Variants in GFOD2 observed in about 807,000 individuals in gnomAD.
GFOD2 encodes the protein glucose-fructose oxidoreductase domain-containing protein 2.
In GFOD2, 9 loss-of-function variants were observed where a neutral mutation model predicts 24.6. The ratio of observed to expected loss-of-function variants is 0.37; its 90% CI spans 0.22 to 0.64. The LOEUF (loss-of-function observed/expected upper bound fraction) is 0.64. GFOD2 is among the 30% of genes least tolerant of loss of function. The pLI is 0.65. For synonymous variants in GFOD2, 211 were observed against 224.8 expected (o/e 0.94, Z 0.55); for missense variants, 476 against 532.5 (o/e 0.89, Z 1.04).
At chr16:67,709,501 C>G (rs978134987) in intron 1 of GFOD2, among the ~76,000 whole-genome samples, 2 of 151,928 alleles carry the variant, frequency 1.3e-5, no homozygotes, top group African/African-American at 2.4e-5. Flanking sequence ...AAAGAGTGTA[C>G]AGTCTAGGAG....
intron 2 of GFOD2, chr16:67,676,858 G>A (rs1415921537): frequency 6.6e-6 from 1 of 152,210 alleles, no homozygotes; most frequent in Non-Finnish European, 1.5e-5. Flanking sequence ...TAAGCAGCTG[G>A]GAACTGAAGG....
At chr16:67,686,700 G>A (rs1453549996) in intron 1 of GFOD2, among the ~76,000 whole-genome samples, 1 of 152,010 alleles carries the variant, frequency 6.6e-6, no homozygotes, top group Admixed American at 6.6e-5. Context: ...GCCAGGTGTG[G>A]TGGCAGATGC....
At position 67,719,209 on chromosome 16, in the gene GFOD2, G is replaced by C. The variant is rs2142998482; in HGVS notation, c.-134C>G. 6.6e-6 allele frequency: 1 copy of C among 152,320 alleles called. No homozygotes were observed. The highest frequency in any genetic ancestry group is 2.1e-4 in the South Asian group (1 of 4,824). The allele number at this position is 152,320 out of a possible 1,614,324, so 9.4% of individuals were successfully genotyped here. On this transcript the variant is annotated 5_prime_UTR_variant, in exon 1 of 3. Transcript: ENST00000268797. ...CTCCGCGCTGCACTGGAAACCATGG[G>C]TCCGACGGGGTCTCGGGGGCCACCC...
intron 1 of GFOD2, among the ~76,000 whole-genome samples, chr16:67,702,914 G>C (rs1300229894): frequency 1.3e-5 from 2 of 151,964 alleles, no homozygotes; most frequent in Admixed American, 6.6e-5. Flanking sequence ...CAGGATTACA[G>C]TAAAAAAAGA....
chr16:67,705,190 CT>C (rs2053430438), intron 1 of GFOD2, among the ~76,000 whole-genome samples: 1 of 152,130 alleles, frequency 6.6e-6, no homozygotes, highest in African/African-American at 2.4e-5. Flanking sequence ...TTCAAGAATA[CT>C]TTTGATCACC....
chr16:67,674,978 C>A lies in GFOD2; in HGVS notation c.*177G>T. ...GGCAACAGGAACATTTGCCACCCTG[C>A]AAGTCTGAGGAGCAGATGAGCCACT... is the stretch of plus-strand genomic sequence containing the variant. On this transcript the variant is annotated 3_prime_UTR_variant, in exon 3 of 3. Transcript: ENST00000268797. The A allele has an allele frequency of 1.4e-6, 1 of 693,846 alleles. No individual in the cohort carries two copies. The highest frequency in any genetic ancestry group is 2.4e-6 in the Non-Finnish European group (1 of 416,538). 43.0% of individuals were successfully genotyped at this position (693,846 alleles called of 1,614,324 possible). A position where few individuals can be genotyped will look rare whatever the true frequency, so the allele number is the denominator to read the frequency against.
At chr16:67,715,965 G>A (rs142331455) in intron 1 of GFOD2, among the ~76,000 whole-genome samples, 40 of 152,276 alleles carry the variant, frequency 2.6e-4, no homozygotes, top group African/African-American at 9.1e-4. Context: ...CTGTGATCAC[G>A]CCACTGTACT....
rs922753254 is a variant in GFOD2, at chr16:67,679,447, G to A, written c.260-3394C>T. Among the ~76,000 whole-genome samples the A allele has an allele frequency of 7.2e-5, 11 of 151,878 alleles. 1 individual carries two copies. Among genetic ancestry groups the A allele is most frequent in the African/African-American group, 2.7e-4 (11 of 41,378 alleles). ...GATGGGGTTTCACTATGTTGGCCAG[G>A]CTGGTCTTGAACTCCTGACCTCAGG... On this transcript the variant is annotated intron_variant, in intron 2 of 2. Transcript: ENST00000268797.
At position 67,675,701 on chromosome 16, in the gene GFOD2, G is replaced by T; in HGVS notation, c.612C>A (p.Phe204Leu). ...CACGGATGGCAGCGTTCTGCCTCAC[G>T]AATGTCTTGAGCAGCCCGTGCACCT... ...AEKVHGLLKT[F>L]VRQNAAIRGI... The change falls in exon 3 of 3, where the codon TTC becomes TTA. Residue 204 changes from phenylalanine to leucine, a missense_variant. Coordinates refer to ENST00000268797, the MANE Select transcript of GFOD2 (RefSeq NM_030819.4). 1.2e-6 allele frequency: 2 copies of T among 1,613,972 alleles called. No homozygotes were observed. Among genetic ancestry groups the T allele is most frequent in the Non-Finnish European group, 1.7e-6 (2 of 1,180,052 alleles).
intron 1 of GFOD2, among the ~76,000 whole-genome samples, chr16:67,696,448 C>T (rs767769211): frequency 6.6e-6 from 1 of 151,626 alleles, no homozygotes; most frequent in Non-Finnish European, 1.5e-5. Context: ...ATATAAGTAT[C>T]GGTAGCTTAA....
rs568297357 is a variant in GFOD2 at position 67,691,588 on chromosome 16, C to T, written c.-87-5786G>A. On this transcript the variant is annotated intron_variant, in intron 1 of 2. Coordinates refer to ENST00000268797, the MANE Select transcript of GFOD2 (RefSeq NM_030819.4). ...ACAGCTTCTGCTTTCTTTGAGATGA[C>T]CAACTCCTGGAACTCCTCTCTACCC... 9.3e-5 allele frequency among the ~76,000 whole-genome samples: 14 copies of T among 151,208 alleles called. No homozygotes were observed. The South Asian group carries it at 2.1e-3, about 22-fold the overall frequency.
intron 2 of GFOD2, chr16:67,684,514 G>C (rs1424600107): frequency 6.5e-6 from 1 of 153,444 alleles, no homozygotes; most frequent in Non-Finnish European, 1.4e-5. Context: ...TGGCCAATGT[G>C]GTGAAACCCT....
chr16:67,685,264 A>G, intron 2 of GFOD2, 193 bp downstream of exon 2: 1 of 1,434,228 alleles, frequency 7.0e-7, no homozygotes, highest in Admixed American at 2.8e-5. Context: ...GGATTTACAG[A>G]TGGGAGGTAG....
chr16:67,707,387 G>C (rs955510957), intron 1 of GFOD2, among the ~76,000 whole-genome samples: 1 of 151,240 alleles, frequency 6.6e-6, no homozygotes, highest in Non-Finnish European at 1.5e-5. Flanking sequence ...TTACAATCCT[G>C]AAGTTTGGAG....
chr16:67,680,256 ACAGG>A (rs927875304), intron 2 of GFOD2, among the ~76,000 whole-genome samples: 3 of 152,172 alleles, frequency 2.0e-5, no homozygotes, highest in Non-Finnish European at 4.4e-5. Context: ...GAGGTGGCTC[ACAGG>A]TGTGGCAGTG....
At chr16:67,703,554 T>C (rs762364982) in intron 1 of GFOD2, among the ~76,000 whole-genome samples, 2 of 152,210 alleles carry the variant, frequency 1.3e-5, no homozygotes, top group Non-Finnish European at 2.9e-5. Context: ...CAATCTCAAC[T>C]GGCAGGAACT....
chr16:67,680,169 A>G (rs764390669), intron 2 of GFOD2, among the ~76,000 whole-genome samples: 3 of 152,182 alleles, frequency 2.0e-5, no homozygotes, highest in Non-Finnish European at 4.4e-5. Context: ...GTGCCAGGAT[A>G]ACAGTCATGA....
intron 1 of GFOD2, among the ~76,000 whole-genome samples, chr16:67,687,049 G>A (rs2053272125): frequency 6.6e-6 from 1 of 151,288 alleles, no homozygotes; most frequent in Non-Finnish European, 1.5e-5. Flanking sequence ...TCGAGGGGCT[G>A]AGGCAGGAGA....
intron 1 of GFOD2, among the ~76,000 whole-genome samples, chr16:67,714,203 G>A (rs894977376): frequency 6.7e-6 from 1 of 148,620 alleles, no homozygotes; most frequent in Non-Finnish European, 1.5e-5. Context: ...CCAGAGGCCA[G>A]GCAGGGTCAC....
Sources: gnomAD v4.1 joint callset for allele counts (sites outside exome capture counted in the v4.1 genomes callset) on GRCh38, gnomAD v4.1.1 for gene constraint, MANE v1.5 for transcripts, NCBI Gene and HGNC (gene_info 2026-07-23, HGNC 2026-07-21) for gene names.